The following OR51B5 variants were observed in gnomAD, a reference collection of about 807,000 sequenced individuals.
OR51B5 encodes the protein olfactory receptor family 51 subfamily B member 5, also known as olfactory receptor 51B5.
For synonymous variants in OR51B5, 186 were observed against 144.8 expected, an observed-to-expected ratio of 1.28 and a Z score of -2.04; for missense variants, 456 against 374.6, an observed-to-expected ratio of 1.22 and a Z score of -1.79.
At chr11:5,483,962 C>T (rs1851464664) in intron 1 of OR51B5, among the ~76,000 whole-genome samples, 1 of 152,130 alleles carries the variant, frequency 6.6e-6, no homozygotes, top group Non-Finnish European at 1.5e-5. Flanking sequence ...TGCAGAGAAA[C>T]ACAGCCTTCA....
chr11:5,458,773 G>A (rs1488163947), intron 1 of OR51B5, among the ~76,000 whole-genome samples: 1 of 152,070 alleles, frequency 6.6e-6, no homozygotes, highest in Non-Finnish European at 1.5e-5. Flanking sequence ...TTATTGATAT[G>A]TAGAAATGCT....
At position 5,371,987 on chromosome 11, in the gene OR51B5, A is replaced by G. The variant is rs574368527; in HGVS notation, n.85-25077T>C. ...TTTTGAGATTCCACATATAAGTAAT[A>G]TCATGCCTTTATTTGTTTCTGTGTC... On this transcript the variant is annotated intron_variant and non_coding_transcript_variant, in intron 1 of 4. Transcript: ENST00000415970. 5.9e-4 allele frequency among the ~76,000 whole-genome samples: 90 copies of G among 152,250 alleles called. 1 individual carries two copies. The highest frequency in any genetic ancestry group is 2.0e-3 in the African/African-American group (85 of 41,550).
chr11:5,458,539 C>A (rs1850997823), intron 1 of OR51B5, among the ~76,000 whole-genome samples: 1 of 152,140 alleles, frequency 6.6e-6, no homozygotes, highest in South Asian at 2.1e-4. Context: ...CTCTGAATTG[C>A]TTTGGGCAGT....
chr11:5,375,019 G>T (rs1589961008), intron 1 of OR51B5, among the ~76,000 whole-genome samples: 1 of 151,504 alleles, frequency 6.6e-6, no homozygotes, highest in Admixed American at 6.6e-5. Flanking sequence ...GCAACTCCAA[G>T]ACACATAATT....
At chr11:5,461,347 G>T (rs1037023531) in intron 1 of OR51B5, among the ~76,000 whole-genome samples, 3 of 152,192 alleles carry the variant, frequency 2.0e-5, no homozygotes, top group Admixed American at 1.3e-4. Context: ...CGAGGGCGGG[G>T]GTTGCTAGCA....
intron 1 of OR51B5, among the ~76,000 whole-genome samples, chr11:5,356,813 G>C (rs1001802079): frequency 8.0e-6 from 1 of 125,574 alleles, no homozygotes; most frequent in Non-Finnish European, 1.8e-5. Context: ...GAGAGTGGGG[G>C]CCAATATTCA....
intron 1 of OR51B5, among the ~76,000 whole-genome samples, chr11:5,490,894 G>A (rs1335601856): frequency 6.6e-6 from 1 of 152,180 alleles, no homozygotes; most frequent in Non-Finnish European, 1.5e-5. Flanking sequence ...GCAGTTGGTA[G>A]TATTCAGCTA....
intron 1 of OR51B5, among the ~76,000 whole-genome samples, chr11:5,375,347 A>G (rs1489356221): frequency 6.6e-6 from 1 of 151,474 alleles, no homozygotes; most frequent in East Asian, 1.9e-4. Flanking sequence ...TAAACATGGA[A>G]AGGCACAACC....
At chr11:5,437,707 T>C (rs1198255697) in intron 1 of OR51B5, among the ~76,000 whole-genome samples, 3 of 152,234 alleles carry the variant, frequency 2.0e-5, no homozygotes, top group African/African-American at 7.2e-5. Context: ...TTTCTTTTTA[T>C]TGAATTTATC....
At chr11:5,395,787 C>T (rs1028165775) in intron 1 of OR51B5, among the ~76,000 whole-genome samples, 1 of 152,194 alleles carries the variant, frequency 6.6e-6, no homozygotes, top group Non-Finnish European at 1.5e-5. Flanking sequence ...TGTCCAAAAA[C>T]CTGTGCAAGA....
chr11:5,343,050 T>A (rs2133677845), exon 1 of OR51B5: 1 of 1,613,372 alleles, frequency 6.2e-7, no homozygotes. Context: ...TAGAGGGGCC[T>A]GATTGGGGGA....
At chr11:5,505,521 T>A in intron 1 of OR51B5, 1 of 1,217,530 alleles carries the variant, frequency 8.2e-7, no homozygotes, top group Non-Finnish European at 1.1e-6. Context: ...AATGAAGATA[T>A]ACCCGAGACT....
At chr11:5,466,505 G>A (rs1851140781) in intron 1 of OR51B5, among the ~76,000 whole-genome samples, 1 of 151,982 alleles carries the variant, frequency 6.6e-6, no homozygotes, top group Admixed American at 6.5e-5. Flanking sequence ...TGAAATGTTA[G>A]CATTAATAAA....
chr11:5,443,923 T>C (rs1850728470), intron 1 of OR51B5, among the ~76,000 whole-genome samples: 1 of 152,058 alleles, frequency 6.6e-6, no homozygotes, highest in African/African-American at 2.4e-5. Flanking sequence ...TACACTCTTA[T>C]ACTTACACAC....
intron 1 of OR51B5, chr11:5,390,106 A>G: frequency 6.2e-7 from 1 of 1,613,798 alleles, no homozygotes; most frequent in South Asian, 1.1e-5. Flanking sequence ...TCCTGCACAC[A>G]GTAGCAGGCC....
At chr11:5,505,325 G>C (rs962502135) in intron 1 of OR51B5, 23 of 1,303,498 alleles carry the variant, frequency 1.8e-5, no homozygotes, top group Non-Finnish European at 2.2e-5. Flanking sequence ...ATCTTCCCCA[G>C]TCAGAGGCAG....
chr11:5,390,005 G>A (rs914646560), intron 1 of OR51B5: 5 of 1,613,140 alleles, frequency 3.1e-6, no homozygotes, highest in African/African-American at 2.7e-5. Context: ...GGCCTGCACA[G>A]ATATCACCTT....
chr11:5,396,476 T>A (rs1317877580), intron 1 of OR51B5, among the ~76,000 whole-genome samples: 2 of 152,030 alleles, frequency 1.3e-5, no homozygotes, highest in African/African-American at 2.4e-5. Context: ...AGAGAGAATA[T>A]AATACCTAGG....
chr11:5,403,426 T>C, intron 1 of OR51B5: 1 of 471,486 alleles, frequency 2.1e-6, no homozygotes, highest in Non-Finnish European at 4.4e-6. Flanking sequence ...CTGCAAGCCA[T>C]GATGGCCAAT....
Sources: allele counts gnomAD v4.1 joint callset (sites outside exome capture counted in the v4.1 genomes callset), GRCh38; gene constraint gnomAD v4.1.1; transcripts MANE v1.5; gene names NCBI Gene and HGNC (gene_info 2026-07-23, HGNC 2026-07-21).